Variants in PCDHGA1 observed in about 807,000 individuals in gnomAD.
PCDHGA1 encodes the protein protocadherin gamma-A1.
In PCDHGA1, 32 loss-of-function variants were observed where a neutral mutation model predicts 58.0. That is an observed-to-expected ratio of 0.55 (90% CI 0.42 to 0.74). The LOEUF (loss-of-function observed/expected upper bound fraction) is 0.74, where lower values mean the gene tolerates loss of function less well. Ranked by LOEUF, PCDHGA1 falls within the 30% of genes least tolerant of loss-of-function variation. PCDHGA1 has a pLI of 0.00. For missense variants in PCDHGA1, 1,205 were observed against 1,182.3 expected, an observed-to-expected ratio of 1.02 and a Z score of -0.28; for synonymous variants, 498 against 501.1, an observed-to-expected ratio of 0.99 and a Z score of 0.08.
intron 1 of PCDHGA1, chr5:141,478,675 G>A (rs1264846161): frequency 6.4e-7 from 1 of 1,551,574 alleles, no homozygotes; most frequent in South Asian, 1.2e-5. Context: ...ACTTTCAACT[G>A]GCCCTTCCTA....
Position 141,477,032 on chromosome 5 carries a change from A to G in PCDHGA1, c.2422-17775A>G, listed in dbSNP as rs1026169829. 2 of 1,614,134 alleles carry G rather than the reference A, an allele frequency of 1.2e-6. No homozygotes were observed. Among genetic ancestry groups the G allele is most frequent in the Non-Finnish European group, 1.7e-6 (2 of 1,180,044 alleles). ...AGACCTTGTAACCGGGATGCTGACA[A>G]TCAAGGGTCGGCTGGACTTCGAGGA... On this transcript the variant is annotated intron_variant, in intron 1 of 3. Transcript: ENST00000517417. This position sits in a 1 kb window ranked among gnomAD's most constrained non-coding sequence, Gnocchi z 4.9.
rs143083513 is a variant in PCDHGA1 at position 141,431,088 on chromosome 5, T to C, written c.2422-63719T>C. On this transcript the variant is annotated intron_variant, in intron 1 of 3. Coordinates refer to ENST00000517417, the MANE Select transcript of PCDHGA1 (RefSeq NM_018912.3). This position sits in a 1 kb window ranked among gnomAD's most constrained non-coding sequence, Gnocchi z 4.8. The stretch of plus-strand genomic sequence containing the variant: ...TGTCAATTAAATCTAGACATTCTGA[T>C]GGAGGATAAAGTGAAAATATATGGA... 106 of 1,614,180 alleles carry C rather than the reference T, an allele frequency of 6.6e-5. 1 individual carries two copies. The highest frequency in any genetic ancestry group is 3.1e-4 in the East Asian group (14 of 44,890).
chr5:141,462,883 A>T (rs557432183), intron 1 of PCDHGA1, among the ~76,000 whole-genome samples: 9 of 152,230 alleles, frequency 5.9e-5, no homozygotes, highest in African/African-American at 2.2e-4. Context: ...GAACTATTGC[A>T]GTTTGTTTTG....
At chr5:141,431,000 A>G (rs1272572092) in intron 1 of PCDHGA1, 4 of 1,613,898 alleles carry the variant, frequency 2.5e-6, no homozygotes, top group African/African-American at 1.3e-5. Flanking sequence ...GAATCCGCGC[A>G]GCGGCAGCTT....
chr5:141,366,040 C>G (rs752624619), intron 1 of PCDHGA1: 1 of 1,614,264 alleles, frequency 6.2e-7, no homozygotes, highest in Non-Finnish European at 8.5e-7. Context: ...TCCCCACAGA[C>G]GGTTCCACGG....
At chr5:141,416,406 T>A (rs2096021956) in intron 1 of PCDHGA1, 1 of 152,224 alleles carries the variant, frequency 6.6e-6, no homozygotes, top group Admixed American at 6.5e-5. Context: ...TTGTCTTTTT[T>A]GTTAAATTTT....
intron 1 of PCDHGA1, chr5:141,370,579 C>T (rs1363089193): frequency 1.9e-6 from 3 of 1,613,818 alleles, no homozygotes; most frequent in Non-Finnish European, 2.5e-6. Context: ...GGGGATTTAC[C>T]TACTAGGAAC....
chr5:141,402,880 A>G (rs886365174), intron 1 of PCDHGA1: 2 of 1,474,944 alleles, frequency 1.4e-6, no homozygotes, highest in Non-Finnish European at 1.8e-6. Flanking sequence ...CATACTTTGC[A>G]GGGTGGAAGA....
intron 1 of PCDHGA1, chr5:141,409,268 A>G (rs753457286): frequency 1.5e-5 from 24 of 1,613,896 alleles, no homozygotes; most frequent in Non-Finnish European, 2.0e-5. Context: ...CTCTGATCAG[A>G]TTTTGGAGAA....
rs764299418 is a variant in PCDHGA1 at position 141,331,479 on chromosome 5, T to A, written c.795T>A (p.Asn265Lys). The A allele has an allele frequency of 6.2e-7, 1 of 1,614,178 alleles. No individual in the cohort carries two copies. Among genetic ancestry groups the A allele is most frequent in the East Asian group, 2.2e-5 (1 of 44,880 alleles). The change falls in exon 1 of 4, where the codon AAT becomes AAA. Residue 265 changes from asparagine (N) to lysine (K), a missense_variant. Coordinates refer to ENST00000517417, the MANE Select transcript of PCDHGA1 (RefSeq NM_018912.3). ...TGGGTACTCAGCTGCTCATGGTAAA[T>A]GCCACTGACCCTGATGAGGGAGCCA... ...VPLGTQLLMV[N>K]ATDPDEGANG...
intron 1 of PCDHGA1, among the ~76,000 whole-genome samples, chr5:141,445,357 G>C (rs115045385): frequency 0.013 from 1,909 of 152,252 alleles, 31 homozygotes; most frequent in African/African-American, 0.044. Flanking sequence ...GTCTGCCCAA[G>C]TCTGGTCCTG....
At chr5:141,410,011 G>A in intron 1 of PCDHGA1, 1 of 1,613,302 alleles carries the variant, frequency 6.2e-7, no homozygotes, top group Non-Finnish European at 8.5e-7. Context: ...ACAACGCCTG[G>A]CTGTCCTACC....
chr5:141,380,347 T>G (rs1408007452), intron 1 of PCDHGA1, among the ~76,000 whole-genome samples: 1 of 152,204 alleles, frequency 6.6e-6, no homozygotes, highest in Non-Finnish European at 1.5e-5. Context: ...AACTGTTTTG[T>G]TGTTTGTTTT....
intron 1 of PCDHGA1, chr5:141,399,577 TC>T (rs1393975550): frequency 6.2e-7 from 1 of 1,613,972 alleles, no homozygotes; most frequent in Non-Finnish European, 8.5e-7. Flanking sequence ...CGGCCAAGTC[TC>T]CTACTCTATC....
At chr5:141,400,769 T>C (rs2094071773) in intron 1 of PCDHGA1, 2 of 575,796 alleles carry the variant, frequency 3.5e-6, no homozygotes, top group Admixed American at 3.4e-5. Flanking sequence ...GCAAAAACAT[T>C]TGGTGCGTTT....
intron 1 of PCDHGA1, among the ~76,000 whole-genome samples, chr5:141,348,496 T>A (rs1165507036): frequency 1.3e-5 from 2 of 152,088 alleles, no homozygotes; most frequent in African/African-American, 2.4e-5. Flanking sequence ...AGAAAAAAAA[T>A]TAATTAGCTG....
chr5:141,476,366 G>T lies in PCDHGA1; in HGVS notation c.2422-18441G>T, dbSNP rs1025903110. The T allele has an allele frequency of 6.2e-7, 1 of 1,614,026 alleles. No individual in the cohort carries two copies. The highest frequency in any genetic ancestry group is 8.5e-7 in the Non-Finnish European group (1 of 1,180,028). On this transcript the variant is annotated intron_variant, in intron 1 of 3. Coordinates refer to ENST00000517417, the MANE Select transcript of PCDHGA1 (RefSeq NM_018912.3). The surrounding 1 kb of genome is among the most constrained non-coding windows in gnomAD (Gnocchi z 7.6). The stretch of plus-strand genomic sequence containing the variant: ...ATTCTTTGAGGTGAACCGGGAGACC[G>T]GAGAGATGTTTGTGAACGACCGTCT...
chr5:141,372,410 A>G (rs764498768), intron 1 of PCDHGA1: 2 of 1,613,980 alleles, frequency 1.2e-6, no homozygotes, highest in African/African-American at 2.7e-5. Flanking sequence ...AAGAGATACA[A>G]CCTGACCTTA....
chr5:141,374,885 G>C, intron 1 of PCDHGA1: 1 of 1,613,634 alleles, frequency 6.2e-7, no homozygotes, highest in Non-Finnish European at 8.5e-7. Flanking sequence ...GACTGCCACC[G>C]ACCAGGATGA....
Sources: gnomAD v4.1 joint callset for allele counts (sites outside exome capture counted in the v4.1 genomes callset) on GRCh38, gnomAD v4.1.1 for gene constraint, Gnocchi (gnomAD v3.1) non-coding constraint, MANE v1.5 for transcripts, NCBI Gene and HGNC (gene_info 2026-07-23, HGNC 2026-07-21) for gene names.